SEMA6A: variants seen among roughly 807,000 people sequenced by gnomAD.
The protein encoded by SEMA6A is semaphorin-6A.
Under a neutral mutation model 96.8 loss-of-function variants are expected in SEMA6A, and 25 were observed. The observed-to-expected ratio is 0.26, with a 90% confidence interval of 0.19 to 0.36. SEMA6A has a LOEUF of 0.36. SEMA6A is among the 10% of genes least tolerant of loss of function. SEMA6A has a pLI of 1.00. For synonymous variants in SEMA6A, 612 were observed against 518.0 expected, an observed-to-expected ratio of 1.18 and a Z score of -2.46; for missense variants, 1,363 against 1,323.1, an observed-to-expected ratio of 1.03 and a Z score of -0.47.
intron 11 of SEMA6A, among the ~76,000 whole-genome samples, chr5:116,481,204 G>C (rs1222340714): frequency 1.3e-5 from 2 of 152,200 alleles, no homozygotes; most frequent in Non-Finnish European, 2.9e-5. Context: ...CTTAAAGTAT[G>C]TGTGCTGGTA....
At chr5:116,548,715 A>G (rs1209834185) in intron 1 of SEMA6A, among the ~76,000 whole-genome samples, 1 of 152,220 alleles carries the variant, frequency 6.6e-6, no homozygotes, top group African/African-American at 2.4e-5. Context: ...TAAGAAGACA[A>G]CCTTATTCTC....
intron 17 of SEMA6A, among the ~76,000 whole-genome samples, chr5:116,470,342 ATG>A (rs1179212941): frequency 6.6e-6 from 1 of 152,222 alleles, no homozygotes; most frequent in East Asian, 1.9e-4. Context: ...GTGATATCAT[ATG>A]TCAATAGATT....
intron 12 of SEMA6A, 99 bp downstream of exon 12, chr5:116,480,023 A>T (rs760929361): frequency 1.9e-5 from 27 of 1,386,698 alleles, no homozygotes; most frequent in Non-Finnish European, 3.0e-6. Flanking sequence ...AGGATAGCAG[A>T]AGATGTTTGT....
chr5:116,557,365 C>A (rs1760647890), intron 1 of SEMA6A, among the ~76,000 whole-genome samples: 1 of 152,228 alleles, frequency 6.6e-6, no homozygotes, highest in Non-Finnish European at 1.5e-5. Flanking sequence ...GCATGAGACA[C>A]CACTCCTGGC....
intron 10 of SEMA6A, 90 bp from the exon 11 acceptor site, chr5:116,482,665 G>A: frequency 1.5e-6 from 2 of 1,347,798 alleles, no homozygotes; most frequent in Non-Finnish European, 2.1e-6. Flanking sequence ...TCCTGGTACA[G>A]CAAATGAAAT....
chr5:116,569,056 G>A (rs188152075), intron 1 of SEMA6A, among the ~76,000 whole-genome samples: 11 of 152,328 alleles, frequency 7.2e-5, no homozygotes, highest in Non-Finnish European at 5.9e-5. Context: ...AGTGAATAAA[G>A]CCTAAAAATG....
chr5:116,502,223 A>G lies in SEMA6A; in HGVS notation c.205T>C (p.Tyr69His), dbSNP rs761263415. The G allele has an allele frequency of 6.2e-7, 1 of 1,613,848 alleles. No individual in the cohort carries two copies. The highest frequency in any genetic ancestry group is 8.5e-7 in the Non-Finnish European group (1 of 1,179,760). Reference protein sequence around the residue: ...QMIMIMNGTLYIAARDHIYTV... With the variant: ...QMIMIMNGTLHIAARDHIYTV... ...AAGGCCCCTTACCTAGCAGCAATGT[A>G]GAGGGTTCCGTTCATGATCATAATC... Residue 69 changes from tyrosine to histidine, a missense_variant, in exon 3 of 19, where the codon TAC (tyrosine) becomes CAC (histidine). By Grantham distance (83) the Tyr-to-His change is moderately conservative. Coordinates refer to ENST00000343348, the MANE Select transcript of SEMA6A (RefSeq NM_020796.5).
chr5:116,503,387 C>T (rs977880712), intron 2 of SEMA6A, among the ~76,000 whole-genome samples: 1 of 152,148 alleles, frequency 6.6e-6, no homozygotes, highest in African/African-American at 2.4e-5. Flanking sequence ...CTTTCCCTTC[C>T]ACTGCTTTGA....
chr5:116,495,900 T>G (rs1476950661), intron 5 of SEMA6A: 2 of 326,546 alleles, frequency 6.1e-6, no homozygotes. Flanking sequence ...CCTGCATGTC[T>G]GCGGCAGCCT....
Position 116,447,246 on chromosome 5 carries a change from G to A in SEMA6A, c.2460C>T (p.Ile820=), listed in dbSNP as rs575055741. The change falls in exon 19 of 19, where the codon ATC becomes ATT. Residue 820 remains isoleucine (I), a synonymous_variant. Transcript: ENST00000343348. The part of the protein sequence containing the change: ...SHIPSVVVLP[I]TQQGYQHEYV... Reference sequence around the variant, plus strand: ...ACTCATGCTGGTAGCCCTGCTGCGTGATGGGCAGGACCACCACGCTGGGGA... The same window carrying A: ...ACTCATGCTGGTAGCCCTGCTGCGTAATGGGCAGGACCACCACGCTGGGGA... 6.2e-7 allele frequency: 1 copy of A among 1,613,874 alleles called. No individual in the cohort carries two copies. Among genetic ancestry groups the A allele is most frequent in the Non-Finnish European group, 8.5e-7 (1 of 1,179,914 alleles).
At chr5:116,500,411 G>A (rs1025615956) in intron 3 of SEMA6A, among the ~76,000 whole-genome samples, 1 of 152,146 alleles carries the variant, frequency 6.6e-6, no homozygotes, top group Admixed American at 6.5e-5. Flanking sequence ...TTCTTGTAGG[G>A]TTGTTTCCAG....
intron 16 of SEMA6A, among the ~76,000 whole-genome samples, chr5:116,475,295 C>T (rs1756390836): frequency 6.6e-6 from 1 of 152,104 alleles, no homozygotes; most frequent in African/African-American, 2.4e-5. Context: ...CAATTAATAT[C>T]CTCTAGGGTG....
chr5:116,573,081 T>A (rs997715973), intron 1 of SEMA6A, among the ~76,000 whole-genome samples: 2 of 151,000 alleles, frequency 1.3e-5, no homozygotes, highest in African/African-American at 4.9e-5. Context: ...TTTTGCACCA[T>A]CTCCCACAGC....
At chr5:116,513,579 C>G (rs257709) in intron 1 of SEMA6A, among the ~76,000 whole-genome samples, 2 of 151,752 alleles carry the variant, frequency 1.3e-5, no homozygotes, top group East Asian at 1.9e-4. Context: ...TACCTTCATT[C>G]CCAAACCTTC....
intron 2 of SEMA6A, 175 bp from the exon 3 acceptor site, chr5:116,502,502 C>T (rs1219717392): frequency 1.1e-5 from 6 of 555,540 alleles, no homozygotes; most frequent in African/African-American, 7.6e-5. Context: ...GAAGAGTGCT[C>T]CTTAAGGTTC....
intron 17 of SEMA6A, chr5:116,467,998 G>C: frequency 2.1e-6 from 1 of 469,190 alleles, no homozygotes; most frequent in Non-Finnish European, 3.8e-6. Flanking sequence ...TTGCTGGGTG[G>C]GCCTCAGGGA....
intron 7 of SEMA6A, among the ~76,000 whole-genome samples, chr5:116,489,728 T>G (rs1014190103): frequency 1.3e-5 from 2 of 152,190 alleles, no homozygotes; most frequent in African/African-American, 4.8e-5. Context: ...TAGTAATTCA[T>G]GCTTTGGGGG....
intron 1 of SEMA6A, among the ~76,000 whole-genome samples, chr5:116,573,909 G>C (rs1038252709): frequency 6.6e-6 from 1 of 152,004 alleles, no homozygotes; most frequent in African/African-American, 2.4e-5. Flanking sequence ...ACGCGCCGTC[G>C]CGGCCCGGGG....
intron 1 of SEMA6A, among the ~76,000 whole-genome samples, chr5:116,566,992 C>T (rs963473754): frequency 1.3e-5 from 2 of 152,152 alleles, no homozygotes; most frequent in Non-Finnish European, 2.9e-5. Flanking sequence ...GGGAATTCAA[C>T]TCATCCCTAA....
Sources: allele counts gnomAD v4.1 joint callset (sites outside exome capture counted in the v4.1 genomes callset), GRCh38; gene constraint gnomAD v4.1.1; transcripts MANE v1.5; gene names NCBI Gene and HGNC (gene_info 2026-07-23, HGNC 2026-07-21).